The following CLIC5 variants were observed in gnomAD, a reference collection of about 807,000 sequenced individuals.
CLIC5 encodes the protein CLIC family member 5.
In CLIC5, 20 loss-of-function variants were observed where a neutral mutation model predicts 24.7. The ratio of observed to expected loss-of-function variants is 0.81; its 90% CI spans 0.57 to 1.18. CLIC5 has a LOEUF of 1.18. Ranked by LOEUF, CLIC5 falls within the 50% of genes most tolerant of loss-of-function variation. The pLI is 0.00. For synonymous variants in CLIC5, 159 were observed against 135.6 expected (o/e 1.17, Z -1.20); for missense variants, 341 against 326.1 (o/e 1.05, Z -0.35).
chr6:46,003,711 G>C (rs910314496), intron 1 of CLIC5, among the ~76,000 whole-genome samples: 1 of 152,136 alleles, frequency 6.6e-6, no homozygotes, highest in African/African-American at 2.4e-5. Flanking sequence ...TAACCAGACT[G>C]GGCACAAGAA....
At chr6:46,112,707 T>C in the CLIC5 span, among the ~76,000 whole-genome samples, 1 of 152,182 alleles carries the variant, frequency 6.6e-6, no homozygotes, top group African/African-American at 2.4e-5. Context: ...GCAGTGGGGA[T>C]GCAGCAAAGG....
chr6:46,018,739 C>T (rs977723373), upstream of CLIC5: 3 of 152,160 alleles, frequency 2.0e-5, no homozygotes, highest in African/African-American at 7.2e-5. Context: ...TTTAAAAACA[C>T]ATTTAGTGCT....
chr6:46,121,693 T>G, the CLIC5 span, among the ~76,000 whole-genome samples: 2 of 152,234 alleles, frequency 1.3e-5, no homozygotes, highest in Admixed American at 1.3e-4. Flanking sequence ...ACCCATCTCT[T>G]GTGCAGAGAC....
intron 1 of CLIC5, among the ~76,000 whole-genome samples, chr6:46,011,213 G>C (rs1192966142): frequency 6.6e-6 from 1 of 152,218 alleles, no homozygotes; most frequent in Non-Finnish European, 1.5e-5. Flanking sequence ...GGGCTTAATA[G>C]TTCGTCAGCA....
rs768168322 is a variant in CLIC5, at chr6:45,955,277, C to T, written c.64-33G>A. The stretch of plus-strand genomic sequence containing the variant: ...GAAGAGAACCAGTGTCCTGAGTGGG[C>T]AGGTGCAATTAGCAAGGGGAACATA... On this transcript the variant is annotated intron_variant, in intron 1 of 5. Coordinates refer to ENST00000339561, the MANE Select transcript of CLIC5 (RefSeq NM_016929.5). The T allele has an allele frequency of 4.0e-6, 6 of 1,512,198 alleles. No homozygotes were observed. In the African/African-American group the frequency reaches 4.1e-5, roughly 10 times the overall value. 93.7% of individuals were successfully genotyped at this position (1,512,198 alleles called of 1,614,324 possible).
At chr6:46,021,088 CA>C (rs61574485) in intron 1 of CLIC5, among the ~76,000 whole-genome samples, 4,484 of 71,910 alleles carry the variant, frequency 0.062, 109 homozygotes, top group African/African-American at 0.14. Context: ...TTTTACAACT[CA>C]AAAAAAAAAA....
At chr6:46,109,294 G>A in the CLIC5 span, among the ~76,000 whole-genome samples, 1 of 151,982 alleles carries the variant, frequency 6.6e-6, no homozygotes, top group African/African-American at 2.4e-5. Flanking sequence ...TAACACTCTT[G>A]AATACAGGTT....
chr6:45,911,073 C>T (rs140968654), intron 5 of CLIC5, among the ~76,000 whole-genome samples: 3 of 152,352 alleles, frequency 2.0e-5, no homozygotes, highest in African/African-American at 7.2e-5. Context: ...ATCACTTTCA[C>T]CGACATTCAG....
chr6:46,030,434 C>G (rs773502005), intron 1 of CLIC5, among the ~76,000 whole-genome samples: 1 of 152,194 alleles, frequency 6.6e-6, no homozygotes, highest in Non-Finnish European at 1.5e-5. Context: ...TTTGCTTTCT[C>G]TCTTTCTTGG....
rs146935828 is a variant in CLIC5 at position 45,884,881 on chromosome 6, G to T, written c.624-3693C>A. On this transcript the variant is annotated intron_variant, in intron 6 of 6. Coordinates refer to the CLIC5 transcript ENST00000644324. ...TCTGGTACCCCCAACTCCTTCATCT[G>T]TCCGGAGGTTAATAATGATTTGTAA... Among the ~76,000 whole-genome samples, 4 of 149,776 alleles carry T rather than the reference G, an allele frequency of 2.7e-5. 1 individual carries two copies. In the East Asian group the frequency reaches 8.0e-4, roughly 30 times the overall value.
chr6:45,985,976 A>T (rs1292782884), intron 1 of CLIC5, among the ~76,000 whole-genome samples: 1 of 152,006 alleles, frequency 6.6e-6, no homozygotes, highest in Non-Finnish European at 1.5e-5. Context: ...GCTAGTAAAT[A>T]AGTCTTAGGA....
At chr6:45,995,728 A>G (rs1284101024) in intron 1 of CLIC5, among the ~76,000 whole-genome samples, 1 of 152,228 alleles carries the variant, frequency 6.6e-6, no homozygotes, top group African/African-American at 2.4e-5. Context: ...AAGAGATAAT[A>G]ATCTGAGACT....
Position 45,912,725 on chromosome 6 carries a change from C to T in CLIC5, c.588+1503G>A. ...TGAGCTGGAATTATATCATCCCTTT[C>T]AGTGGTACTTGTTCCTAAGGAGAAG... On this transcript the variant is annotated intron_variant, in intron 5 of 5. Transcript: ENST00000339561. 3 of 1,534,814 alleles carry T rather than the reference C, an allele frequency of 2.0e-6. No individual in the cohort carries two copies. In the Admixed American group the frequency reaches 5.9e-5, roughly 30 times the overall value.
chr6:46,097,293 A>ATG, the CLIC5 span: 1 of 152,200 alleles, frequency 6.6e-6, no homozygotes, highest in African/African-American at 2.4e-5. Flanking sequence ...AGTAGCAGGC[A>ATG]TGTGGGTGTT....
intron 1 of CLIC5, among the ~76,000 whole-genome samples, chr6:46,075,161 G>A (rs757275521): frequency 5.3e-5 from 8 of 152,124 alleles, no homozygotes; most frequent in Non-Finnish European, 1.0e-4. Flanking sequence ...TATGAGGAAG[G>A]TATCATAATG....
chr6:46,012,381 G>A (rs1445733854), intron 1 of CLIC5, among the ~76,000 whole-genome samples: 1 of 152,206 alleles, frequency 6.6e-6, no homozygotes, highest in African/African-American at 2.4e-5. Context: ...AATCAGAGTT[G>A]ACATGATCTA....
intron 1 of CLIC5, among the ~76,000 whole-genome samples, chr6:46,001,112 T>C (rs1391254192): frequency 6.6e-6 from 1 of 152,062 alleles, no homozygotes. Context: ...TTCTGAGGAG[T>C]GTTAGGCCTA....
At chr6:46,042,965 G>T (rs1040268790) in intron 1 of CLIC5, among the ~76,000 whole-genome samples, 2 of 152,284 alleles carry the variant, frequency 1.3e-5, no homozygotes, top group Middle Eastern at 6.8e-3. Context: ...CTGGGTGCAC[G>T]TTCTCTCTTG....
the CLIC5 span, among the ~76,000 whole-genome samples, chr6:46,101,444 A>T: frequency 6.6e-6 from 1 of 152,240 alleles, no homozygotes; most frequent in Non-Finnish European, 1.5e-5. Context: ...CTCATTCTAC[A>T]AAGTGGAATG....
Sources: gnomAD v4.1 joint callset for allele counts (sites outside exome capture counted in the v4.1 genomes callset) on GRCh38, gnomAD v4.1.1 for gene constraint, MANE v1.5 for transcripts, NCBI Gene and HGNC (gene_info 2026-07-23, HGNC 2026-07-21) for gene names.